TSHZ2: variants seen among roughly 807,000 people sequenced by gnomAD.
TSHZ2 encodes the protein teashirt homolog 2.
TSHZ2 carries 21 observed loss-of-function variants against 74.4 expected under a neutral mutation model. The ratio of observed to expected loss-of-function variants is 0.28; its 90% CI spans 0.20 to 0.41. TSHZ2 has a LOEUF of 0.41. TSHZ2 is among the 10% of genes least tolerant of loss of function. The pLI, the probability that TSHZ2 is intolerant of heterozygous loss-of-function variation, is 1.00. For missense variants in TSHZ2, 1,244 were observed against 1,293.5 expected, an observed-to-expected ratio of 0.96 and a Z score of 0.59; for synonymous variants, 540 against 515.3, an observed-to-expected ratio of 1.05 and a Z score of -0.65.
At position 53,256,836 on chromosome 20, in the gene TSHZ2, C is replaced by T. The variant is rs1464095736; in HGVS notation, c.*8+265C>T. Among the ~76,000 whole-genome samples, 1 of 152,202 alleles carries T rather than the reference C, an allele frequency of 6.6e-6. No individual in the cohort carries two copies. On this transcript the variant is annotated intron_variant, in intron 2 of 2. Transcript: ENST00000371497. This position sits in a 1 kb window ranked among gnomAD's most constrained non-coding sequence, Gnocchi z 4.3. ...ATTACTACTGCTTTTTTTAGGCCTT[C>T]ATCATCCATAATCCTGAATTACCCA... is the stretch of plus-strand genomic sequence containing the variant.
At chr20:53,088,111 C>T (rs1985754146) in intron 1 of TSHZ2, among the ~76,000 whole-genome samples, 1 of 152,190 alleles carries the variant, frequency 6.6e-6, no homozygotes, top group Non-Finnish European at 1.5e-5. Context: ...TGCTCTGGGA[C>T]TCATCACCTA....
chr20:53,058,902 G>GAAATAT (rs1984730908), intron 1 of TSHZ2, among the ~76,000 whole-genome samples: 1 of 152,174 alleles, frequency 6.6e-6, no homozygotes, highest in Admixed American at 6.6e-5. Flanking sequence ...TCGTTTGTTT[G>GAAATAT]AAATATATAC....
intron 2 of TSHZ2, among the ~76,000 whole-genome samples, chr20:53,301,195 T>C (rs999324240): frequency 3.3e-5 from 5 of 152,038 alleles, no homozygotes; most frequent in Non-Finnish European, 7.4e-5. Flanking sequence ...TGACCTCAAG[T>C]GATCCTCCCA....
chr20:53,368,473 T>A (rs1446836754), intron 2 of TSHZ2, among the ~76,000 whole-genome samples: 1 of 152,006 alleles, frequency 6.6e-6, no homozygotes, highest in Non-Finnish European at 1.5e-5. Context: ...CCAGCTAATT[T>A]TTTTATTTTA....
chr20:53,255,035 C>T lies in TSHZ2; in HGVS notation c.1577C>T (p.Thr526Ile), dbSNP rs1446416314. The change falls in exon 2 of 3, where the codon ACA becomes ATA. Residue 526 changes from threonine to isoleucine, a missense_variant. Physicochemically the swap from Thr to Ile is moderately conservative, Grantham distance 89 (BLOSUM62 -1). This residue lies in a region of TSHZ2 where 562 missense variants were observed against 544.0 expected (regional missense o/e 1.03). Transcript: ENST00000371497. The surrounding 1 kb of genome is among the most constrained non-coding windows in gnomAD (Gnocchi z 4.1). Reference protein sequence around the residue: ...ILKSLENTVTTAINKAQNGAP... With the variant: ...ILKSLENTVTIAINKAQNGAP... ...AAATCTTTGGAAAATACTGTCACCA[C>T]AGCCATCAACAAAGCCCAAAACGGG... 11 of 1,614,066 alleles carry T rather than the reference C, an allele frequency of 6.8e-6. No individual in the cohort carries two copies. The highest frequency in any genetic ancestry group is 9.3e-6 in the Non-Finnish European group (11 of 1,180,052).
intron 1 of TSHZ2, among the ~76,000 whole-genome samples, chr20:52,973,688 T>C (rs941298969): frequency 3.9e-5 from 6 of 152,138 alleles, no homozygotes; most frequent in African/African-American, 1.4e-4. Context: ...CACCCCTGCA[T>C]CCCTCTGCGT....
intron 1 of TSHZ2, among the ~76,000 whole-genome samples, chr20:52,992,552 G>A (rs2122924251): frequency 6.6e-6 from 1 of 152,272 alleles, no homozygotes; most frequent in East Asian, 1.9e-4. Context: ...CAGCAGGGCA[G>A]CCCTTCTGTT....
intron 1 of TSHZ2, among the ~76,000 whole-genome samples, chr20:53,046,390 C>A (rs1348427186): frequency 6.6e-6 from 1 of 152,162 alleles, no homozygotes; most frequent in African/African-American, 2.4e-5. Context: ...AGCAAAAGGA[C>A]CCCCAGCCCA....
At chr20:53,260,875 TCTAA>T (rs1275230788) in intron 2 of TSHZ2, among the ~76,000 whole-genome samples, 5 of 152,184 alleles carry the variant, frequency 3.3e-5, no homozygotes, top group East Asian at 3.8e-4. Flanking sequence ...ACTTCTCAAC[TCTAA>T]CTAATTAATA....
intron 2 of TSHZ2, among the ~76,000 whole-genome samples, chr20:53,469,042 ATT>A (rs763838684): frequency 1.1e-4 from 2 of 17,628 alleles, no homozygotes; most frequent in South Asian, 2.9e-3. Context: ...TGAAATCGAT[ATT>A]TTATATATAT....
At chr20:53,165,090 A>AGGGT (rs1335254665) in intron 1 of TSHZ2, among the ~76,000 whole-genome samples, 1 of 151,220 alleles carries the variant, frequency 6.6e-6, no homozygotes, top group Admixed American at 6.6e-5. Flanking sequence ...AGTGGATGGA[A>AGGGT]GGGTGGATGG....
chr20:53,404,714 C>T (rs146059083), intron 2 of TSHZ2, among the ~76,000 whole-genome samples: 165 of 152,172 alleles, frequency 1.1e-3, no homozygotes, highest in African/African-American at 3.5e-3. Context: ...CAATTATTAG[C>T]GGAAAAGGAT....
intron 2 of TSHZ2, among the ~76,000 whole-genome samples, chr20:53,310,445 A>T (rs763084340): frequency 6.6e-6 from 1 of 152,162 alleles, no homozygotes; most frequent in African/African-American, 2.4e-5. Context: ...TTTAAACAAC[A>T]TGTTTATTAT....
Position 53,255,964 on chromosome 20 carries a change from T to A in TSHZ2, c.2506T>A (p.Ser836Thr). The change falls in exon 2 of 3, where the codon TCA (serine) becomes ACA (threonine). Residue 836 changes from serine (S) to threonine (T), a missense_variant. Physicochemically the swap from Ser to Thr is moderately conservative, Grantham distance 58. Transcript: ENST00000371497. The surrounding 1 kb of genome is among the most constrained non-coding windows in gnomAD (Gnocchi z 4.1). ...CTTTGAGGATGTCTCCAGTGAAGTC[T>A]CAACTTTGCATAAAAGAAAAGGCCG... The part of the protein sequence containing the change: ...RRFEDVSSEV[S>T]TLHKRKGRQS... 6.2e-7 allele frequency: 1 copy of A among 1,614,080 alleles called. No homozygotes were observed. The highest frequency in any genetic ancestry group is 8.5e-7 in the Non-Finnish European group (1 of 1,179,968).
At position 53,015,976 on chromosome 20, in the gene TSHZ2, GATAA is replaced by G. The variant is rs1320712712; in HGVS notation, c.40+42648_40+42651del. ...AAAATAATAAAAATCCCGATTTAAT[GATAA>G]ATAATCATGCCCTGCCTCTGACGTT... is the stretch of plus-strand genomic sequence containing the variant. On this transcript the variant is annotated intron_variant, in intron 1 of 2. Transcript: ENST00000371497. Among the ~76,000 whole-genome samples, 11 of 152,264 alleles carry G rather than the reference GATAA, an allele frequency of 7.2e-5. No homozygotes were observed. In the East Asian group the frequency reaches 2.1e-3, roughly 29 times the overall value.
chr20:53,442,369 A>T (rs1006113114), intron 2 of TSHZ2, among the ~76,000 whole-genome samples: 1 of 152,020 alleles, frequency 6.6e-6, no homozygotes, highest in Non-Finnish European at 1.5e-5. Context: ...TCCTCTTCCC[A>T]TATTCATTTT....
In TSHZ2 at chr20:53,143,468, C is replaced by A. The variant is rs184444697; in HGVS notation, c.41-110031C>A. Among the ~76,000 whole-genome samples, 727 of 152,114 alleles carry A rather than the reference C, an allele frequency of 4.8e-3. 4 individuals carry two copies. The highest frequency in any genetic ancestry group is 0.016 in the African/African-American group (674 of 41,502). On this transcript the variant is annotated intron_variant, in intron 1 of 2. Coordinates refer to ENST00000371497, the MANE Select transcript of TSHZ2 (RefSeq NM_173485.6). Reference sequence around the variant, plus strand: ...CAGCACTTTGGGAGGCCGAGGTGGGCGGATCACAAGGTCAGAAGATCGAGA... The same window carrying A: ...CAGCACTTTGGGAGGCCGAGGTGGGAGGATCACAAGGTCAGAAGATCGAGA...
Position 53,256,433 on chromosome 20 carries a change from C to T in TSHZ2, c.2975C>T (p.Ser992Phe). The part of the protein sequence containing the change: ...ETIAAEEDTD[S>F]KFKCKLCCRT... ...ATAGCTGCCGAAGAGGACACAGACT[C>T]TAAATTCAAGTGTAAGTTGTGCTGT... Residue 992 changes from serine to phenylalanine, a missense_variant, in exon 2 of 3, where the codon TCT becomes TTT. By Grantham distance (155) the Ser-to-Phe change is radical. Transcript: ENST00000371497. This position sits in a 1 kb window ranked among gnomAD's most constrained non-coding sequence, Gnocchi z 4.3. The T allele has an allele frequency of 6.2e-7, 1 of 1,614,112 alleles. No individual in the cohort carries two copies. Among genetic ancestry groups the T allele is most frequent in the Non-Finnish European group, 8.5e-7 (1 of 1,179,982 alleles).
At chr20:53,234,081 G>T (rs1035221657) in intron 1 of TSHZ2, among the ~76,000 whole-genome samples, 3 of 152,150 alleles carry the variant, frequency 2.0e-5, no homozygotes, top group Admixed American at 6.5e-5. Context: ...TGCCTTTACT[G>T]CAAGTATTTC....
Sources: gnomAD v4.1 joint callset for allele counts (sites outside exome capture counted in the v4.1 genomes callset) on GRCh38, gnomAD v4.1.1 for gene constraint, gnomAD v4.1.1 regional missense constraint, Gnocchi (gnomAD v3.1) non-coding constraint, MANE v1.5 for transcripts, NCBI Gene and HGNC (gene_info 2026-07-23, HGNC 2026-07-21) for gene names.